Variants in PRKCH observed in about 807,000 individuals in gnomAD.
PRKCH encodes the protein protein kinase C eta type.
PRKCH carries 28 observed loss-of-function variants against 82.5 expected under a neutral mutation model. That is an observed-to-expected ratio of 0.34 (90% CI 0.25 to 0.47). PRKCH has a LOEUF of 0.47. Among genes scored for constraint, PRKCH ranks in the 20% least tolerant of loss-of-function variants. The probability of loss-of-function intolerance (pLI) is 1.00; values close to 1 mark genes in which losing one functional copy is unlikely to be tolerated. For synonymous variants in PRKCH, 322 were observed against 327.4 expected, an observed-to-expected ratio of 0.98 and a Z score of 0.18; for missense variants, 705 against 881.8, an observed-to-expected ratio of 0.80 and a Z score of 2.54.
At chr14:61,250,770 G>A (rs1030127458) in intron 1 of PRKCH, among the ~76,000 whole-genome samples, 1 of 152,140 alleles carries the variant, frequency 6.6e-6, no homozygotes, top group African/African-American at 2.4e-5. Flanking sequence ...TTCATCGATT[G>A]TAACAAATGT....
chr14:61,235,782 C>T (rs1305924341), intron 1 of PRKCH, among the ~76,000 whole-genome samples: 2 of 152,124 alleles, frequency 1.3e-5, no homozygotes, highest in African/African-American at 4.8e-5. Context: ...CGGGCAGCCC[C>T]AGAATGAGAT....
At chr14:61,253,064 T>A (rs1417268159) in intron 1 of PRKCH, among the ~76,000 whole-genome samples, 2 of 152,330 alleles carry the variant, frequency 1.3e-5, no homozygotes, top group African/African-American at 4.8e-5. Context: ...GGAGAAAAAT[T>A]GTTTTTGTTT....
intron 1 of PRKCH, chr14:61,306,590 T>C (rs2045487152): frequency 6.6e-6 from 1 of 152,234 alleles, no homozygotes; most frequent in South Asian, 2.1e-4. Context: ...CTAGAATCAG[T>C]TATCTTGTGT....
At chr14:61,491,468 A>G (rs1041500642) in intron 10 of PRKCH, among the ~76,000 whole-genome samples, 1 of 152,184 alleles carries the variant, frequency 6.6e-6, no homozygotes, top group Non-Finnish European at 1.5e-5. Flanking sequence ...CCTGGGACTG[A>G]TACTGGCTCT....
At chr14:61,435,511 T>C (rs980592966) in intron 2 of PRKCH, among the ~76,000 whole-genome samples, 3 of 152,102 alleles carry the variant, frequency 2.0e-5, no homozygotes, top group African/African-American at 7.2e-5. Flanking sequence ...CTTGAAGAGA[T>C]GCTGACAAGC....
intron 1 of PRKCH, among the ~76,000 whole-genome samples, chr14:61,290,693 A>G (rs1015795648): frequency 2.0e-5 from 3 of 152,228 alleles, no homozygotes; most frequent in Non-Finnish European, 4.4e-5. Flanking sequence ...AAATGGGTGC[A>G]TTGCTGTCCT....
intron 2 of PRKCH, among the ~76,000 whole-genome samples, chr14:61,428,112 C>CACATATAT (rs1391102641): frequency 3.4e-5 from 5 of 145,584 alleles, no homozygotes; most frequent in East Asian, 4.1e-4. Context: ...TATATACACA[C>CACATATAT]ATATATATAT....
rs540623429 is a variant in PRKCH, at chr14:61,242,912, T to G, written c.-19+55244T>G. On this transcript the variant is annotated intron_variant, in intron 1 of 3. Coordinates refer to the PRKCH transcript ENST00000555185. Reference sequence around the variant, plus strand: ...ACATTAGTCTATATGCCAGGCACTTTGCTAGGTATTGAGAATGCAGCATCC... The same window carrying G: ...ACATTAGTCTATATGCCAGGCACTTGGCTAGGTATTGAGAATGCAGCATCC... Among the ~76,000 whole-genome samples, 22 of 152,310 alleles carry G rather than the reference T, an allele frequency of 1.4e-4. No homozygotes were observed. In the South Asian group the frequency reaches 4.4e-3, roughly 30 times the overall value.
intron 10 of PRKCH, 126 bp downstream of exon 10, chr14:61,485,782 GT>G: frequency 7.4e-7 from 1 of 1,344,340 alleles, no homozygotes; most frequent in Non-Finnish European, 1.0e-6. Context: ...CAGAAGTTTT[GT>G]TTTGGTTTTT....
rs1335053986 is a variant in PRKCH at position 61,272,340 on chromosome 14, C to CTTTTTTTTTT, written c.-19+84675_-19+84676insTTTTTTTTTT. On this transcript the variant is annotated intron_variant, in intron 1 of 3. Coordinates refer to the PRKCH transcript ENST00000555185. Reference sequence around the variant, plus strand: ...TAGATTTCTTTTTCTTTTCTTTTTTCTTTCTTTTTTTTTTTTTTTTTTTTT... The same window carrying CTTTTTTTTTT: ...TAGATTTCTTTTTCTTTTCTTTTTTCTTTTTTTTTTTTTCTTTTTTTTTTTTTTTTTTTTT... Among the ~76,000 whole-genome samples the CTTTTTTTTTT allele has an allele frequency of 9.2e-5, 9 of 97,826 alleles. 1 individual carries two copies. The highest frequency in any genetic ancestry group is 1.6e-4 in the African/African-American group (4 of 24,974). 64.2% of individuals were successfully genotyped at this position (97,826 alleles called of 152,430 possible).
At chr14:61,297,509 T>C (rs1447194405) in intron 1 of PRKCH, among the ~76,000 whole-genome samples, 1 of 152,188 alleles carries the variant, frequency 6.6e-6, no homozygotes, top group Non-Finnish European at 1.5e-5. Context: ...TCTCCAACCT[T>C]TTTGGCACTA....
At chr14:61,200,454 C>T (rs1240596477) in intron 1 of PRKCH, among the ~76,000 whole-genome samples, 1 of 151,766 alleles carries the variant, frequency 6.6e-6, no homozygotes, top group African/African-American at 2.4e-5. Context: ...GGGAATCTTC[C>T]AGGTATCTGA....
intron 10 of PRKCH, among the ~76,000 whole-genome samples, chr14:61,512,747 A>G (rs1287961637): frequency 6.6e-6 from 1 of 152,160 alleles, no homozygotes; most frequent in East Asian, 1.9e-4. Context: ...ATTTTTAATC[A>G]CCAGCCACAC....
chr14:61,204,543 T>G (rs151257529), intron 1 of PRKCH, among the ~76,000 whole-genome samples: 1 of 151,972 alleles, frequency 6.6e-6, no homozygotes, highest in Non-Finnish European at 1.5e-5. Context: ...TTGCTTGCAC[T>G]CAGGAGTTAG....
At chr14:61,362,984 C>T (rs770034940) in intron 1 of PRKCH, among the ~76,000 whole-genome samples, 69 of 152,186 alleles carry the variant, frequency 4.5e-4, no homozygotes, top group Non-Finnish European at 9.1e-4. Context: ...CTGGAGAAGT[C>T]GCCTAGACGG....
intron 10 of PRKCH, 192 bp from the exon 11 acceptor site, chr14:61,528,883 C>T (rs540083143): frequency 2.2e-6 from 1 of 453,586 alleles, no homozygotes; most frequent in African/African-American, 2.0e-5. Context: ...AGTTCTGAGA[C>T]TTGATCTAAA....
In PRKCH at chr14:61,453,302, C is replaced by T. The variant is rs775302859; in HGVS notation, c.909C>T (p.Ala303=). Residue 303 remains alanine, a synonymous_variant, in exon 7 of 14, where the codon GCC becomes GCT. Transcript: ENST00000332981. The part of the protein sequence containing the change: ...PNCGVNAVEL[A]KTLAGMGLQP... ...GTGGGGTAAATGCGGTGGAACTTGC[C>T]AAGACCCTGGCAGGGATGGGTCTCC... 6.2e-7 allele frequency: 1 copy of T among 1,614,136 alleles called. No homozygotes were observed. Among genetic ancestry groups the T allele is most frequent in the Admixed American group, 1.7e-5 (1 of 60,024 alleles).
At chr14:61,201,449 C>T (rs1040801948) in intron 1 of PRKCH, among the ~76,000 whole-genome samples, 2 of 152,120 alleles carry the variant, frequency 1.3e-5, no homozygotes, top group East Asian at 1.9e-4. Context: ...AAATTATTTA[C>T]ACAATCATTA....
intron 12 of PRKCH, among the ~76,000 whole-genome samples, chr14:61,536,987 G>C (rs752864308): frequency 6.6e-6 from 1 of 152,206 alleles, no homozygotes; most frequent in Non-Finnish European, 1.5e-5. Context: ...ATGGAGTGCA[G>C]AATCAGTGGG....
Sources: allele counts gnomAD v4.1 joint callset (sites outside exome capture counted in the v4.1 genomes callset), GRCh38; gene constraint gnomAD v4.1.1; transcripts MANE v1.5; gene names NCBI Gene and HGNC (gene_info 2026-07-23, HGNC 2026-07-21).